Variants in TNKS2 observed in about 807,000 individuals in gnomAD.
TNKS2 encodes the protein tankyrase 2, also known as poly [ADP-ribose] polymerase tankyrase-2.
A neutral mutation model predicts 137.6 loss-of-function variants in TNKS2; 72 were observed. The ratio of observed to expected loss-of-function variants is 0.52; its 90% confidence interval spans 0.43 to 0.64. The LOEUF is 0.64. TNKS2 is among the 30% of genes least tolerant of loss of function. The pLI is 0.00. For synonymous variants in TNKS2, 516 were observed against 512.1 expected, an observed-to-expected ratio of 1.01 and a Z score of -0.10; for missense variants, 1,049 against 1,410.2, an observed-to-expected ratio of 0.74 and a Z score of 4.10.
intron 16 of TNKS2, among the ~76,000 whole-genome samples, chr10:91,843,419 G>A (rs1842274160): frequency 6.6e-6 from 1 of 152,064 alleles, no homozygotes; most frequent in Non-Finnish European, 1.5e-5. Context: ...CACCCTAATG[G>A]GCTCATTTTA....
In TNKS2 at chr10:91,798,488, G is replaced by A; in HGVS notation, c.-203G>A. 3 of 472,462 alleles carry A rather than the reference G, an allele frequency of 6.3e-6. No individual in the cohort carries two copies. The highest frequency in any genetic ancestry group is 3.2e-6 in the Non-Finnish European group (1 of 315,474). 29.3% of individuals were successfully genotyped at this position (472,462 alleles called of 1,614,324 possible). The stretch of plus-strand genomic sequence containing the variant: ...GGATTCGCGCTGCCTCCGCCGCCGC[G>A]GGGCAGCCGGGGGGCAGGGAGCCCA... On this transcript the variant is annotated 5_prime_UTR_variant, in exon 1 of 27. Coordinates refer to ENST00000371627, the MANE Select transcript of TNKS2 (RefSeq NM_025235.4).
rs928804693 is a variant in TNKS2, at chr10:91,863,916, A to G, written c.*917A>G. On this transcript the variant is annotated 3_prime_UTR_variant, in exon 27 of 27. Coordinates refer to ENST00000371627, the MANE Select transcript of TNKS2 (RefSeq NM_025235.4). Reference sequence around the variant, plus strand: ...TCATGGAACATAAGTAGGATGTTACATTTCCAGGGTGGGAAGGGTAATCCT... The same window carrying G: ...TCATGGAACATAAGTAGGATGTTACGTTTCCAGGGTGGGAAGGGTAATCCT... 2.0e-5 allele frequency: 3 copies of G among 152,130 alleles called. No homozygotes were observed. Among genetic ancestry groups the G allele is most frequent in the Non-Finnish European group, 4.4e-5 (3 of 68,012 alleles). The allele number at this position is 152,130 out of a possible 1,614,324, so 9.4% of individuals were successfully genotyped here.
In TNKS2 at chr10:91,816,592, A is replaced by G. The variant is rs142986493; in HGVS notation, c.425-542A>G. Among the ~76,000 whole-genome samples, 16 of 152,340 alleles carry G rather than the reference A, an allele frequency of 1.1e-4. No individual in the cohort carries two copies. In the East Asian group the frequency reaches 2.3e-3, roughly 22 times the overall value. The stretch of plus-strand genomic sequence containing the variant: ...TTCAGCTTTCCTGAAGAATAGAAAG[A>G]TAATGACTGATGACCTTACAGAATT... On this transcript the variant is annotated intron_variant, in intron 2 of 26. Transcript: ENST00000371627.
intron 2 of TNKS2, among the ~76,000 whole-genome samples, chr10:91,814,260 TA>T (rs879904356): frequency 1.4e-4 from 21 of 151,776 alleles, no homozygotes; most frequent in African/African-American, 4.4e-4. Flanking sequence ...AGAAAAGTTG[TA>T]AAAAAAAATT....
chr10:91,836,734 A>G, intron 12 of TNKS2, 185 bp from the exon 13 acceptor site: 6 of 985,406 alleles, frequency 6.1e-6, no homozygotes, highest in Non-Finnish European at 7.2e-6. Flanking sequence ...TTGTATTTCA[A>G]AGAGTTTTAA....
chr10:91,836,199 T>C (rs572840746), intron 12 of TNKS2, among the ~76,000 whole-genome samples: 6 of 152,174 alleles, frequency 3.9e-5, no homozygotes, highest in African/African-American at 7.2e-5. Flanking sequence ...AATGCTGTTA[T>C]TACCTGACAT....
intron 16 of TNKS2, among the ~76,000 whole-genome samples, chr10:91,842,751 T>G (rs1486174904): frequency 6.6e-6 from 1 of 150,670 alleles, no homozygotes; most frequent in Non-Finnish European, 1.5e-5. Context: ...AGAAACAAAG[T>G]GAGACCCTGT....
intron 2 of TNKS2, among the ~76,000 whole-genome samples, chr10:91,813,928 G>C (rs939208525): frequency 6.6e-6 from 1 of 152,000 alleles, no homozygotes; most frequent in East Asian, 1.9e-4. Context: ...TAAACGTATA[G>C]CATATAAAAT....
At chr10:91,818,803 G>A (rs1353974086) in intron 3 of TNKS2, among the ~76,000 whole-genome samples, 1 of 152,158 alleles carries the variant, frequency 6.6e-6, no homozygotes, top group African/African-American at 2.4e-5. Flanking sequence ...AAAGTGCTGG[G>A]ATTACAGACA....
chr10:91,859,800 G>T, intron 25 of TNKS2, 152 bp downstream of exon 25: 1 of 563,424 alleles, frequency 1.8e-6, no homozygotes, highest in Non-Finnish European at 3.1e-6. Flanking sequence ...TGTAATAATA[G>T]CTAATATTTA....
chr10:91,864,823 A>G lies in TNKS2; in HGVS notation c.*1824A>G, dbSNP rs565508285. The G allele has an allele frequency of 6.5e-6, 1 of 152,728 alleles. No homozygotes were observed. The highest frequency in any genetic ancestry group is 2.4e-5 in the African/African-American group (1 of 41,576). 9.5% of individuals were successfully genotyped at this position (152,728 alleles called of 1,614,324 possible). A position where few individuals can be genotyped will look rare whatever the true frequency, so the allele number is the denominator to read the frequency against. On this transcript the variant is annotated 3_prime_UTR_variant, in exon 27 of 27. Transcript: ENST00000371627. ...TAATTAGAAGATAATGAGAGAATTA[A>G]TGGGGTTTATATTTACATTATCTCT...
rs1842947254 is a variant in TNKS2, at chr10:91,865,364, T to C, written c.*2365T>C. The C allele has an allele frequency of 6.6e-6, 1 of 152,572 alleles. No homozygotes were observed. Among genetic ancestry groups the C allele is most frequent in the African/African-American group, 2.4e-5 (1 of 41,454 alleles). 9.5% of individuals were successfully genotyped at this position (152,572 alleles called of 1,614,324 possible). A position where few individuals can be genotyped will look rare whatever the true frequency, so the allele number is the denominator to read the frequency against. ...GAATTAAGATTACAATAAACCACAA[T>C]TGCAGGAAAACAATGTAGTTCTGAG... On this transcript the variant is annotated 3_prime_UTR_variant, in exon 27 of 27. Transcript: ENST00000371627.
intron 12 of TNKS2, among the ~76,000 whole-genome samples, chr10:91,835,613 T>A (rs1472709683): frequency 6.1e-5 from 6 of 99,062 alleles, no homozygotes; most frequent in African/African-American, 1.7e-4. Flanking sequence ...TTTTTTTTTT[T>A]AATTTTTCTT....
intron 20 of TNKS2, among the ~76,000 whole-genome samples, chr10:91,850,190 A>AC (rs1048458375): frequency 6.7e-6 from 1 of 149,512 alleles, no homozygotes; most frequent in African/African-American, 2.5e-5. Context: ...AGATGGTGAA[A>AC]CCCCCGTCTC....
rs138747183 is a variant in TNKS2 at position 91,859,975 on chromosome 10, A to C, written c.3281+327A>C. Among the ~76,000 whole-genome samples, 995 of 152,264 alleles carry C rather than the reference A, an allele frequency of 6.5e-3. 8 individuals carry two copies. Among genetic ancestry groups the C allele is most frequent in the African/African-American group, 0.022 (916 of 41,548 alleles). On this transcript the variant is annotated intron_variant, in intron 25 of 26. Transcript: ENST00000371627. ...AGTATTGTAGGACTCTGTGGACTCT[A>C]AAAATCTAGTATTCAAATGCTAAAA... is the stretch of plus-strand genomic sequence containing the variant.
Position 91,841,411 on chromosome 10 carries a change from C to G in TNKS2, c.1802C>G (p.Ala601Gly). The change falls in exon 15 of 27, where the codon GCA (alanine) becomes GGA (glycine). Residue 601 changes from alanine (A) to glycine (G), a missense_variant. This residue lies in a region of TNKS2 where 328 missense variants were observed against 436.0 expected (regional missense o/e 0.75). Transcript: ENST00000371627. ...WKFTPLHEAA[A>G]KGKYEICKLL... ...TTTACACCTTTACATGAAGCAGCAG[C>G]AAAAGGAAAATATGAAATTTGCAAA... 1 of 1,607,108 alleles carries G rather than the reference C, an allele frequency of 6.2e-7. No homozygotes were observed. The highest frequency in any genetic ancestry group is 8.5e-7 in the Non-Finnish European group (1 of 1,177,114).
chr10:91,841,714 T>C, intron 15 of TNKS2, among the ~76,000 whole-genome samples: 1 of 152,264 alleles, frequency 6.6e-6, no homozygotes, highest in South Asian at 2.1e-4. Context: ...TTGGTACTTT[T>C]ATATTCATCA....
chr10:91,833,226 A>AT (rs1223158282), intron 11 of TNKS2, among the ~76,000 whole-genome samples: 1 of 152,104 alleles, frequency 6.6e-6, no homozygotes, highest in East Asian at 1.9e-4. Flanking sequence ...TAACCATTTT[A>AT]TTTTTTCTGA....
chr10:91,822,456 G>A, intron 7 of TNKS2, 94 bp downstream of exon 7: 1 of 986,272 alleles, frequency 1.0e-6, no homozygotes. Context: ...TATTTTCTGT[G>A]TTCTTAGTGC....
Sources: allele counts gnomAD v4.1 joint callset (sites outside exome capture counted in the v4.1 genomes callset), GRCh38; gene constraint gnomAD v4.1.1; regional missense constraint gnomAD v4.1.1; transcripts MANE v1.5; gene names NCBI Gene and HGNC (gene_info 2026-07-23, HGNC 2026-07-21).